IPO9: variants seen among roughly 807,000 people sequenced by gnomAD.
IPO9 encodes the protein importin 9.
In IPO9, 28 loss-of-function variants were observed where a neutral mutation model predicts 128.6. The ratio of observed to expected loss-of-function variants is 0.22; its 90% CI spans 0.16 to 0.30. The LOEUF (loss-of-function observed/expected upper bound fraction) is 0.30, where lower values mean the gene tolerates loss of function less well. Among genes scored for constraint, IPO9 ranks in the 10% least tolerant of loss-of-function variants. The probability of loss-of-function intolerance (pLI) is 1.00; values close to 1 mark genes in which losing one functional copy is unlikely to be tolerated. For missense variants in IPO9, 935 were observed against 1,293.9 expected, an observed-to-expected ratio of 0.72 and a Z score of 4.26; for synonymous variants, 455 against 475.8, an observed-to-expected ratio of 0.96 and a Z score of 0.57.
rs1260355454 is a variant in IPO9, at chr1:201,879,323, G to A, written c.*3269G>A. The A allele has an allele frequency of 6.6e-6, 1 of 151,968 alleles. No individual in the cohort carries two copies. Among genetic ancestry groups the A allele is most frequent in the Non-Finnish European group, 1.5e-5 (1 of 68,012 alleles). 9.4% of individuals were successfully genotyped at this position (151,968 alleles called of 1,614,324 possible). On this transcript the variant is annotated 3_prime_UTR_variant, in exon 24 of 24. Coordinates refer to ENST00000361565, the MANE Select transcript of IPO9 (RefSeq NM_018085.5). ...CTAGGTAAATAATCTGGACATTTTA[G>A]TCAAAGCATTAGACAGACAGAGAAG... is the stretch of plus-strand genomic sequence containing the variant.
intron 13 of IPO9, among the ~76,000 whole-genome samples, chr1:201,859,207 A>ATGTATATATATATATATAT (rs1491106859): frequency 7.1e-6 from 1 of 140,546 alleles, no homozygotes; most frequent in African/African-American, 2.6e-5. Context: ...ATATATATAT[A>ATGTATATATATATATATAT]AAGGAAACTC....
chr1:201,843,993 A>G (rs2102872416), intron 1 of IPO9, among the ~76,000 whole-genome samples: 1 of 152,286 alleles, frequency 6.6e-6, no homozygotes, highest in South Asian at 2.1e-4. Context: ...AAAGAATTCC[A>G]ATTAATAAAG....
intron 16 of IPO9, among the ~76,000 whole-genome samples, chr1:201,869,309 A>G (rs190210249): frequency 2.9e-3 from 438 of 152,290 alleles, no homozygotes; most frequent in Admixed American, 4.8e-3. Context: ...AGTGAATTGA[A>G]CAGAGTGCCA....
chr1:201,841,767 T>G (rs1680040275), intron 1 of IPO9, among the ~76,000 whole-genome samples: 1 of 152,014 alleles, frequency 6.6e-6, no homozygotes, highest in South Asian at 2.1e-4. Flanking sequence ...TGGAAGGAGT[T>G]CCAGTGGCCA....
At chr1:201,874,804 G>T (rs1464617558) in intron 21 of IPO9, 28 bp from the exon 22 acceptor site, 1 of 1,473,798 alleles carries the variant, frequency 6.8e-7, no homozygotes, top group Non-Finnish European at 9.5e-7. Context: ...ATGTGCTCTA[G>T]CTCTAGCTGC....
chr1:201,859,886 G>C (rs566368687), intron 13 of IPO9, among the ~76,000 whole-genome samples: 7 of 152,106 alleles, frequency 4.6e-5, no homozygotes, highest in African/African-American at 1.7e-4. Flanking sequence ...CTTGAACCAG[G>C]AGGCAGAGGT....
intron 1 of IPO9, among the ~76,000 whole-genome samples, chr1:201,841,542 G>A (rs909405396): frequency 2.6e-5 from 4 of 152,190 alleles, no homozygotes; most frequent in African/African-American, 9.7e-5. Context: ...CCTAGGAATA[G>A]TGATACTCCT....
In IPO9 at chr1:201,870,228, A is replaced by G. The variant is rs1036386658; in HGVS notation, c.2134-355A>G. 6.6e-6 allele frequency among the ~76,000 whole-genome samples: 1 copy of G among 152,246 alleles called. No individual in the cohort carries two copies. The highest frequency in any genetic ancestry group is 1.5e-5 in the Non-Finnish European group (1 of 68,048). Reference sequence around the variant, plus strand: ...AACTAGTGGTTTGTGTAAGACCTATATAAAGACCTACAGTATCCCCAGTTA... The same window carrying G: ...AACTAGTGGTTTGTGTAAGACCTATGTAAAGACCTACAGTATCCCCAGTTA... On this transcript the variant is annotated intron_variant, in intron 17 of 23. Coordinates refer to ENST00000361565, the MANE Select transcript of IPO9 (RefSeq NM_018085.5). This position sits in a 1 kb window ranked among gnomAD's most constrained non-coding sequence, Gnocchi z 4.9.
Position 201,881,464 on chromosome 1 carries a change from A to G in IPO9, c.*5410A>G, listed in dbSNP as rs898035011. 3.3e-5 allele frequency: 5 copies of G among 152,212 alleles called. No homozygotes were observed. Among genetic ancestry groups the G allele is most frequent in the African/African-American group, 4.8e-5 (2 of 41,444 alleles). The allele number at this position is 152,212 out of a possible 1,614,324, so 9.4% of individuals were successfully genotyped here. A position where few individuals can be genotyped will look rare whatever the true frequency, so the allele number is the denominator to read the frequency against. On this transcript the variant is annotated 3_prime_UTR_variant, in exon 24 of 24. Transcript: ENST00000361565. The stretch of plus-strand genomic sequence containing the variant: ...CAGGCAGATGAGAGTGGGGTAAGAC[A>G]TTGCAGAGAAAAAGTAAGAAAAGGC...
intron 1 of IPO9, among the ~76,000 whole-genome samples, chr1:201,833,169 G>A (rs780955300): frequency 1.3e-5 from 2 of 152,012 alleles, no homozygotes; most frequent in African/African-American, 2.4e-5. Context: ...GATTCATGTA[G>A]CGTGTCAATC....
chr1:201,845,425 C>G (rs1680109191), intron 1 of IPO9, among the ~76,000 whole-genome samples: 1 of 152,208 alleles, frequency 6.6e-6, no homozygotes, highest in Non-Finnish European at 1.5e-5. Context: ...AGCCTGTTCT[C>G]TTAATCACAC....
At chr1:201,873,799 A>G (rs1463096500) in intron 20 of IPO9, among the ~76,000 whole-genome samples, 10 of 152,078 alleles carry the variant, frequency 6.6e-5, no homozygotes, top group African/African-American at 2.4e-4. Flanking sequence ...CCCAGCTTCC[A>G]GCTTCATTCA....
chr1:201,844,663 C>A (rs1230675981), intron 1 of IPO9, among the ~76,000 whole-genome samples: 1 of 152,154 alleles, frequency 6.6e-6, no homozygotes, highest in Non-Finnish European at 1.5e-5. Context: ...TTCTGTAAGT[C>A]TTTAAAAATT....
rs1386684734 is a variant in IPO9 at position 201,875,085 on chromosome 1, T to C, written c.2939-67T>C. On this transcript the variant is annotated intron_variant, in intron 22 of 23. Transcript: ENST00000361565. ...CTTCCGCCTCAGTCATGTGGTAGTA[T>C]ATCACCACTCAGGGCCTGATCATGG... 5 of 1,460,210 alleles carry C rather than the reference T, an allele frequency of 3.4e-6. No individual in the cohort carries two copies. In the African/African-American group the frequency reaches 6.9e-5, roughly 20 times the overall value. 90.5% of individuals were successfully genotyped at this position (1,460,210 alleles called of 1,614,324 possible).
At chr1:201,861,238 A>T (rs1321747362) in intron 13 of IPO9, among the ~76,000 whole-genome samples, 1 of 152,180 alleles carries the variant, frequency 6.6e-6, no homozygotes. Flanking sequence ...AACTTTAGGG[A>T]ATTTCTGGAC....
At chr1:201,853,996 A>G (rs1217927315) in intron 6 of IPO9, among the ~76,000 whole-genome samples, 1 of 152,302 alleles carries the variant, frequency 6.6e-6, no homozygotes, top group Admixed American at 6.5e-5. Flanking sequence ...TCGGCCTCCC[A>G]AAGTGCTGGG....
In IPO9 at chr1:201,881,923, G is replaced by A. The variant is rs1680889232; in HGVS notation, c.*5869G>A. On this transcript the variant is annotated 3_prime_UTR_variant, in exon 24 of 24. Transcript: ENST00000361565. ...GTCAGTAGGACTTAAAGACTGACAA[G>A]TAAGGATTTTCCAAAAGTGAGAGCT... The A allele has an allele frequency of 6.6e-6, 1 of 152,192 alleles. No individual in the cohort carries two copies. The highest frequency in any genetic ancestry group is 6.5e-5 in the Admixed American group (1 of 15,284). The allele number at this position is 152,192 out of a possible 1,614,324, so 9.4% of individuals were successfully genotyped here.
intron 4 of IPO9, among the ~76,000 whole-genome samples, chr1:201,849,202 C>G (rs1680173926): frequency 6.6e-6 from 1 of 152,198 alleles, no homozygotes; most frequent in African/African-American, 2.4e-5. Flanking sequence ...TTTTCCTTCT[C>G]TCTGTTCTGA....
At position 201,883,221 on chromosome 1, in the gene IPO9, T is replaced by A. The variant is rs1161176315; in HGVS notation, c.*7167T>A. On this transcript the variant is annotated 3_prime_UTR_variant, in exon 24 of 24. Transcript: ENST00000361565. ...AAGAACATACCTGAATTCTTTGCAT[T>A]TCCTTGCCTTAGTTGCTTTTGTAGG... 6.7e-6 allele frequency: 1 copy of A among 148,338 alleles called. No individual in the cohort carries two copies. The highest frequency in any genetic ancestry group is 2.1e-4 in the East Asian group (1 of 4,676). 9.2% of individuals were successfully genotyped at this position (148,338 alleles called of 1,614,324 possible).
Sources: gnomAD v4.1 joint callset for allele counts (sites outside exome capture counted in the v4.1 genomes callset) on GRCh38, gnomAD v4.1.1 for gene constraint, Gnocchi (gnomAD v3.1) non-coding constraint, MANE v1.5 for transcripts, NCBI Gene and HGNC (gene_info 2026-07-23, HGNC 2026-07-21) for gene names.